ITPR1: variants seen among roughly 807,000 people sequenced by gnomAD.
ITPR1 encodes the protein inositol 1,4,5-trisphosphate-gated calcium channel ITPR1.
ITPR1 carries 96 observed loss-of-function variants against 318.4 expected under a neutral mutation model. The ratio of observed to expected loss-of-function variants is 0.30; its 90% confidence interval spans 0.26 to 0.36. The LOEUF is 0.36. Among genes scored for constraint, ITPR1 ranks in the 10% least tolerant of loss-of-function variants. ITPR1 has a pLI of 1.00. For missense variants in ITPR1, 2,440 were observed against 3,460.2 expected, an observed-to-expected ratio of 0.71 and a Z score of 7.40; for synonymous variants, 1,312 against 1,289.9, an observed-to-expected ratio of 1.02 and a Z score of -0.37.
intron 33 of ITPR1, among the ~76,000 whole-genome samples, chr3:4,696,461 A>C (rs550253587): frequency 6.6e-6 from 1 of 152,304 alleles, no homozygotes; most frequent in Non-Finnish European, 1.5e-5. Flanking sequence ...TATGTTGCTG[A>C]GTAATTTTCT....
intron 16 of ITPR1, 104 bp downstream of exon 16, chr3:4,663,310 G>C: frequency 9.3e-7 from 1 of 1,074,894 alleles, no homozygotes; most frequent in South Asian, 1.8e-5. Context: ...GCCGAGGTGG[G>C]AGGATCCCCT....
intron 4 of ITPR1, among the ~76,000 whole-genome samples, chr3:4,601,694 T>C (rs1451311210): frequency 1.3e-5 from 2 of 152,030 alleles, no homozygotes; most frequent in African/African-American, 4.8e-5. Flanking sequence ...TAAAAGAAAA[T>C]TAGATAAATT....
intron 58 of ITPR1, 43 bp downstream of exon 58, chr3:4,814,605 G>T: frequency 7.9e-7 from 1 of 1,265,662 alleles, no homozygotes; most frequent in Non-Finnish European, 1.1e-6. Context: ...GGGGGCGGGT[G>T]GGGTGGTTGG....
chr3:4,634,096 T>C (rs374228921), intron 5 of ITPR1, among the ~76,000 whole-genome samples: 23 of 151,674 alleles, frequency 1.5e-4, no homozygotes, highest in African/African-American at 5.5e-4. Flanking sequence ...TCATAGAGTG[T>C]TTTTTTTCCC....
At chr3:4,832,386 G>A (rs541939027) in intron 60 of ITPR1, among the ~76,000 whole-genome samples, 4 of 152,278 alleles carry the variant, frequency 2.6e-5, no homozygotes, top group Admixed American at 6.5e-5. Flanking sequence ...TCTTTGAAAC[G>A]CCGTGTTTTA....
intron 23 of ITPR1, among the ~76,000 whole-genome samples, chr3:4,675,479 A>C (rs2094165608): frequency 6.6e-6 from 1 of 152,086 alleles, no homozygotes; most frequent in African/African-American, 2.4e-5. Flanking sequence ...GCTGAATTTT[A>C]TTTTGTATTT....
intron 44 of ITPR1, among the ~76,000 whole-genome samples, chr3:4,760,840 A>T (rs138170705): frequency 7.4e-4 from 113 of 152,240 alleles, no homozygotes; most frequent in African/African-American, 2.7e-3. Context: ...CCTTGTAATT[A>T]TGTTGGGCCC....
intron 4 of ITPR1, among the ~76,000 whole-genome samples, chr3:4,587,023 C>T (rs1055796487): frequency 2.0e-5 from 3 of 152,110 alleles, no homozygotes; most frequent in Non-Finnish European, 4.4e-5. Flanking sequence ...AAATTATATT[C>T]CCTGGCTCCA....
intron 4 of ITPR1, among the ~76,000 whole-genome samples, chr3:4,554,722 T>C (rs554762875): frequency 2.6e-5 from 4 of 152,222 alleles, no homozygotes; most frequent in Middle Eastern, 3.4e-3. Context: ...ACTCGAAATA[T>C]CTGTCTCACT....
At chr3:4,538,414 G>A (rs2084079230) in intron 4 of ITPR1, among the ~76,000 whole-genome samples, 1 of 152,216 alleles carries the variant, frequency 6.6e-6, no homozygotes, top group Non-Finnish European at 1.5e-5. Context: ...TGGTGAGGTT[G>A]TAGAGAAATA....
At chr3:4,628,912 C>G (rs947450324) in intron 5 of ITPR1, among the ~76,000 whole-genome samples, 6 of 152,270 alleles carry the variant, frequency 3.9e-5, no homozygotes, top group African/African-American at 1.4e-4. Flanking sequence ...CCATTTTTGA[C>G]CAGCGTATGG....
intron 42 of ITPR1, among the ~76,000 whole-genome samples, chr3:4,732,318 A>G (rs2042982034): frequency 1.3e-5 from 2 of 152,218 alleles, no homozygotes; most frequent in South Asian, 2.1e-4. Flanking sequence ...TGAAATGTAT[A>G]TAAAAGGAGT....
At chr3:4,498,934 A>G (rs2080812475) in intron 2 of ITPR1, among the ~76,000 whole-genome samples, 1 of 152,246 alleles carries the variant, frequency 6.6e-6, no homozygotes, top group Non-Finnish European at 1.5e-5. Flanking sequence ...ATTCTCCTTA[A>G]TAAGTGAAGT....
chr3:4,619,916 A>C (rs768287092), intron 4 of ITPR1, among the ~76,000 whole-genome samples: 1 of 147,384 alleles, frequency 6.8e-6, no homozygotes, highest in Non-Finnish European at 1.5e-5. Flanking sequence ...TCTGTAGTAC[A>C]TTAAAACATT....
At chr3:4,810,689 T>A (rs1377361143) in intron 55 of ITPR1, among the ~76,000 whole-genome samples, 2 of 152,196 alleles carry the variant, frequency 1.3e-5, no homozygotes, top group Non-Finnish European at 2.9e-5. Flanking sequence ...ATAACAACTC[T>A]ACATCCTCCA....
intron 24 of ITPR1, among the ~76,000 whole-genome samples, chr3:4,678,956 C>A (rs777021821): frequency 1.5e-4 from 23 of 152,126 alleles, no homozygotes; most frequent in East Asian, 7.7e-4. Flanking sequence ...CTCTGTTGAG[C>A]CTTTGAAAGT....
rs1559662503 is a variant in ITPR1, at chr3:4,673,181, C to T, written c.2250C>T (p.Tyr750=). ...LFARMCLDRQ[Y]LAINEISGQL... is the part of the protein sequence containing the mutation. ...CGAGGATGTGTCTGGACCGCCAATA[C>T]CTGGCCATCAACGAAATCTCAGGCC... Residue 750 remains tyrosine (Y), a synonymous_variant, in exon 21 of 62, where the codon TAC becomes TAT. Coordinates refer to ENST00000649015, the MANE Select transcript of ITPR1 (RefSeq NM_001378452.1). The T allele has an allele frequency of 6.2e-7, 1 of 1,613,898 alleles. No individual in the cohort carries two copies. Among genetic ancestry groups the T allele is most frequent in the South Asian group, 1.1e-5 (1 of 91,066 alleles).
chr3:4,595,478 G>A (rs2090734281), intron 4 of ITPR1, among the ~76,000 whole-genome samples: 1 of 152,196 alleles, frequency 6.6e-6, no homozygotes, highest in Admixed American at 6.5e-5. Flanking sequence ...TTTCCACCAG[G>A]TCTCACCTCC....
At chr3:4,813,066 C>A in intron 56 of ITPR1, 76 bp from the exon 57 acceptor site, 1 of 1,009,038 alleles carries the variant, frequency 9.9e-7, no homozygotes, top group Non-Finnish European at 1.6e-6. Context: ...TTTAATCAGC[C>A]GTGAATTGGG....
Sources: allele counts gnomAD v4.1 joint callset (sites outside exome capture counted in the v4.1 genomes callset), GRCh38; gene constraint gnomAD v4.1.1; transcripts MANE v1.5; gene names NCBI Gene and HGNC (gene_info 2026-07-23, HGNC 2026-07-21).